Variants in LRRTM4 observed in about 807,000 individuals in gnomAD.
LRRTM4 encodes leucine-rich repeat transmembrane neuronal protein 4.
A neutral mutation model predicts 47.6 loss-of-function variants in LRRTM4; 25 were observed. The ratio of observed to expected loss-of-function variants is 0.53; its 90% CI spans 0.38 to 0.73. The LOEUF is 0.73. LRRTM4 is among the 30% of genes least tolerant of loss of function. The pLI, the probability that LRRTM4 is intolerant of heterozygous loss-of-function variation, is 0.00. For missense variants in LRRTM4, 638 were observed against 713.4 expected (o/e 0.89, Z 1.20); for synonymous variants, 311 against 269.5 (o/e 1.15, Z -1.51).
intron 3 of LRRTM4, among the ~76,000 whole-genome samples, chr2:77,075,414 A>G (rs988723833): frequency 1.3e-5 from 2 of 152,174 alleles, no homozygotes; most frequent in Admixed American, 1.3e-4. Flanking sequence ...TTGGCTTTAT[A>G]TGTAGGTTTA....
At chr2:77,298,480 G>A (rs948274518) in intron 3 of LRRTM4, among the ~76,000 whole-genome samples, 14 of 152,160 alleles carry the variant, frequency 9.2e-5, no homozygotes, top group East Asian at 1.9e-4. Context: ...CTCATGATCC[G>A]CCCGCCTCGG....
At chr2:77,453,898 T>G (rs1676362710) in intron 3 of LRRTM4, among the ~76,000 whole-genome samples, 1 of 152,156 alleles carries the variant, frequency 6.6e-6, no homozygotes, top group Non-Finnish European at 1.5e-5. Flanking sequence ...TCTGTTATAC[T>G]GGCCAAATTT....
chr2:76,900,340 T>G (rs985536115), intron 3 of LRRTM4, among the ~76,000 whole-genome samples: 1 of 128,258 alleles, frequency 7.8e-6, no homozygotes, highest in African/African-American at 3.0e-5. Context: ...GATAAAAATA[T>G]GAATTTATTT....
chr2:76,880,568 T>C (rs1290759215), intron 3 of LRRTM4, among the ~76,000 whole-genome samples: 1 of 152,182 alleles, frequency 6.6e-6, no homozygotes, highest in Non-Finnish European at 1.5e-5. Flanking sequence ...TGTTATTAAC[T>C]TTGTTGAGAT....
chr2:76,876,100 G>A (rs748023331), intron 3 of LRRTM4, among the ~76,000 whole-genome samples: 1 of 151,864 alleles, frequency 6.6e-6, no homozygotes, highest in Non-Finnish European at 1.5e-5. Flanking sequence ...TTTCCCTTGA[G>A]GTAAGAATTA....
intron 3 of LRRTM4, among the ~76,000 whole-genome samples, chr2:77,450,267 T>C (rs1573431741): frequency 6.6e-6 from 1 of 151,320 alleles, no homozygotes; most frequent in East Asian, 2.0e-4. Flanking sequence ...TCTCCGTCTC[T>C]CTCTCTCTCT....
At chr2:77,012,742 C>T (rs1306408148) in intron 3 of LRRTM4, among the ~76,000 whole-genome samples, 1 of 152,140 alleles carries the variant, frequency 6.6e-6, no homozygotes, top group African/African-American at 2.4e-5. Flanking sequence ...AACTAGGCCT[C>T]TGGTGTTCAA....
intron 3 of LRRTM4, among the ~76,000 whole-genome samples, chr2:77,363,817 A>G (rs1218522637): frequency 1.3e-5 from 2 of 152,166 alleles, no homozygotes; most frequent in African/African-American, 2.4e-5. Flanking sequence ...TCAAGTAGGT[A>G]TTAGGAGGAG....
At chr2:77,466,565 T>C (rs973081215) in intron 3 of LRRTM4, among the ~76,000 whole-genome samples, 1 of 152,170 alleles carries the variant, frequency 6.6e-6, no homozygotes, top group Non-Finnish European at 1.5e-5. Flanking sequence ...TCTTATACAC[T>C]GTTTTTCTTT....
chr2:77,303,602 T>G (rs1343676954), intron 3 of LRRTM4, among the ~76,000 whole-genome samples: 1 of 152,180 alleles, frequency 6.6e-6, no homozygotes, highest in Non-Finnish European at 1.5e-5. Context: ...TCTGATCACA[T>G]GGTATACATT....
intron 3 of LRRTM4, among the ~76,000 whole-genome samples, chr2:77,047,249 T>C (rs1246600757): frequency 6.6e-6 from 1 of 151,842 alleles, no homozygotes; most frequent in Non-Finnish European, 1.5e-5. Flanking sequence ...CAGCTTATTG[T>C]TGTGGATATT....
intron 3 of LRRTM4, among the ~76,000 whole-genome samples, chr2:76,872,311 G>A (rs183313869): frequency 6.6e-6 from 1 of 152,090 alleles, no homozygotes; most frequent in Non-Finnish European, 1.5e-5. Context: ...GAACCAGTAA[G>A]AACAATAATC....
chr2:77,286,126 T>C (rs1479389972), intron 3 of LRRTM4, among the ~76,000 whole-genome samples: 2 of 152,116 alleles, frequency 1.3e-5, no homozygotes, highest in Non-Finnish European at 2.9e-5. Context: ...ATGTTTCCTG[T>C]TATTTTCAGA....
At chr2:77,223,242 A>G (rs1480002203) in intron 3 of LRRTM4, among the ~76,000 whole-genome samples, 1 of 152,232 alleles carries the variant, frequency 6.6e-6, no homozygotes, top group East Asian at 1.9e-4. Context: ...ACAAACCCAC[A>G]GCCAGTATCA....
intron 3 of LRRTM4, among the ~76,000 whole-genome samples, chr2:77,104,530 C>A (rs1048775691): frequency 6.6e-6 from 1 of 152,064 alleles, no homozygotes. Context: ...AACCCTCATA[C>A]AAAATAGCTA....
intron 3 of LRRTM4, among the ~76,000 whole-genome samples, chr2:76,839,957 G>A (rs967444805): frequency 2.6e-5 from 4 of 152,090 alleles, no homozygotes; most frequent in African/African-American, 9.7e-5. Flanking sequence ...ATTATTGGGT[G>A]TCTCCTATGT....
chr2:77,204,965 T>C lies in LRRTM4; in HGVS notation c.1551+313353A>G, dbSNP rs151192102. ...TTTCAACTATGATCTAATGTGGAAG[T>C]ATTACCAAGTGAAAGTATAAGGCTG... On this transcript the variant is annotated intron_variant, in intron 3 of 3. Coordinates refer to ENST00000409884, the MANE Select transcript of LRRTM4 (RefSeq NM_001134745.3). 3.7e-3 allele frequency among the ~76,000 whole-genome samples: 569 copies of C among 152,340 alleles called. 1 individual carries two copies. Among genetic ancestry groups the C allele is most frequent in the African/African-American group, 0.013 (535 of 41,582 alleles).
chr2:77,169,523 G>C (rs1337880675), intron 3 of LRRTM4, among the ~76,000 whole-genome samples: 4 of 152,104 alleles, frequency 2.6e-5, no homozygotes, highest in African/African-American at 9.7e-5. Flanking sequence ...GAAGTGATTA[G>C]GCCATGAGGA....
intron 3 of LRRTM4, among the ~76,000 whole-genome samples, chr2:76,865,731 T>C (rs1014444953): frequency 6.6e-6 from 1 of 152,124 alleles, no homozygotes; most frequent in African/African-American, 2.4e-5. Context: ...ACTCATAATA[T>C]AGATATTGAC....
Sources: allele counts gnomAD v4.1 joint callset (sites outside exome capture counted in the v4.1 genomes callset), GRCh38; gene constraint gnomAD v4.1.1; transcripts MANE v1.5; gene names NCBI Gene and HGNC (gene_info 2026-07-23, HGNC 2026-07-21).